MPPE1: variants seen among roughly 807,000 people sequenced by gnomAD.
The protein encoded by MPPE1 is metallo phosphoesterase.
MPPE1 carries 28 observed loss-of-function variants against 43.8 expected under a neutral mutation model. The observed-to-expected ratio is 0.64, with a 90% CI of 0.47 to 0.88. MPPE1 has a LOEUF of 0.88. Ranked by LOEUF, MPPE1 falls within the 40% of genes least tolerant of loss-of-function variation. MPPE1 has a pLI of 0.00. For synonymous variants in MPPE1, 159 were observed against 188.5 expected (o/e 0.84, Z 1.28); for missense variants, 428 against 492.2 (o/e 0.87, Z 1.23).
intron 2 of MPPE1, among the ~76,000 whole-genome samples, chr18:11,900,890 G>A (rs1015194608): frequency 3.5e-5 from 5 of 142,212 alleles, no homozygotes; most frequent in African/African-American, 1.4e-4. Context: ...CTGGGCGACA[G>A]AGCAAGACTC....
intron 2 of MPPE1, among the ~76,000 whole-genome samples, chr18:11,903,456 G>A (rs961848937): frequency 6.6e-6 from 1 of 152,184 alleles, no homozygotes; most frequent in Non-Finnish European, 1.5e-5. Context: ...CATGGAGAAG[G>A]GAGGGGTGCA....
In MPPE1 at chr18:11,883,118, T is replaced by C. The variant is rs1292800548; in HGVS notation, c.*1327A>G. 3.3e-5 allele frequency: 5 copies of C among 151,958 alleles called. No individual in the cohort carries two copies. The highest frequency in any genetic ancestry group is 7.3e-5 in the Non-Finnish European group (5 of 68,038). The allele number at this position is 151,958 out of a possible 1,614,324, so 9.4% of individuals were successfully genotyped here. On this transcript the variant is annotated 3_prime_UTR_variant, in exon 11 of 11. Transcript: ENST00000588072. ...TCTATAAATCAGCATTTTGTAATCC[T>C]TTATAAACTCATCCAGATTTAAATG...
chr18:11,892,138 G>A (rs1000992177), intron 4 of MPPE1, among the ~76,000 whole-genome samples: 3 of 152,052 alleles, frequency 2.0e-5, no homozygotes, highest in East Asian at 1.9e-4. Flanking sequence ...TCAGGAGTTC[G>A]AGACCAGCCT....
chr18:11,903,068 A>G (rs2039356295), intron 2 of MPPE1, among the ~76,000 whole-genome samples: 1 of 152,180 alleles, frequency 6.6e-6, no homozygotes, highest in African/African-American at 2.4e-5. Flanking sequence ...ACAGATAGGC[A>G]GGCATGAGCG....
chr18:11,900,229 C>T (rs1313445201), intron 2 of MPPE1, among the ~76,000 whole-genome samples: 1 of 152,176 alleles, frequency 6.6e-6, no homozygotes, highest in African/African-American at 2.4e-5. Flanking sequence ...ACCTGTAATC[C>T]TAGCTACTCA....
rs1273549507 is a variant in MPPE1, at chr18:11,886,960, G to C, written c.635C>G (p.Ala212Gly). 6.2e-7 allele frequency: 1 copy of C among 1,613,698 alleles called. No individual in the cohort carries two copies. Among genetic ancestry groups the C allele is most frequent in the Non-Finnish European group, 8.5e-7 (1 of 1,179,878 alleles). Reference protein sequence around the residue: ...DGCGICSETEAELIEVSHRLN... With the variant: ...DGCGICSETEGELIEVSHRLN... ...TCTGTGAGAAACTTCAATGAGCTCT[G>C]CTTCTGTTTCAGAGCAGATGCCACA... Residue 212 changes from alanine to glycine, a missense_variant, in exon 7 of 11, where the codon GCA becomes GGA. Coordinates refer to ENST00000588072, the MANE Select transcript of MPPE1 (RefSeq NM_023075.6). The surrounding 1 kb of genome is among the most constrained non-coding windows in gnomAD (Gnocchi z 4.1).
At chr18:11,885,021 A>G (rs1187708299) in intron 10 of MPPE1, 4 of 1,297,024 alleles carry the variant, frequency 3.1e-6, no homozygotes, top group South Asian at 2.5e-5. Context: ...CTGCCCCTTG[A>G]TGCTCAACTA....
At chr18:11,908,180 C>T (rs2039902047) in intron 1 of MPPE1, 21 bp downstream of exon 1, 1 of 152,226 alleles carries the variant, frequency 6.6e-6, no homozygotes, top group African/African-American at 2.4e-5. Context: ...AATGTTGTCA[C>T]ACGGGCGCAA....
intron 2 of MPPE1, 72 bp downstream of exon 2, chr18:11,906,131 G>A (rs1235456228): frequency 1.3e-5 from 2 of 152,158 alleles, no homozygotes; most frequent in African/African-American, 4.8e-5. Context: ...GCCTAGGATG[G>A]AAAGGCAGAG....
chr18:11,888,441 C>T (rs778908189), intron 6 of MPPE1, among the ~76,000 whole-genome samples: 12 of 152,084 alleles, frequency 7.9e-5, no homozygotes, highest in Non-Finnish European at 1.5e-4. Flanking sequence ...ATAAACTGAC[C>T]GATTCATTAT....
In MPPE1 at chr18:11,890,189, G is replaced by A. The variant is rs181996906; in HGVS notation, c.391-699C>T. On this transcript the variant is annotated intron_variant, in intron 4 of 10. Coordinates refer to ENST00000588072, the MANE Select transcript of MPPE1 (RefSeq NM_023075.6). ...GATCTCCTGACCTCATGATCCGCCC[G>A]CCTCGGCCTCCCAAAGTGCTGGGAT... 8.7e-3 allele frequency among the ~76,000 whole-genome samples: 1,319 copies of A among 152,156 alleles called. 13 individuals are homozygous for A. Among genetic ancestry groups the A allele is most frequent in the African/African-American group, 0.021 (858 of 41,504 alleles).
rs960080797 is a variant in MPPE1, at chr18:11,884,495, A to G, written c.1141T>C (p.Ser381Pro). 6.2e-7 allele frequency: 1 copy of G among 1,614,046 alleles called. No homozygotes were observed. The highest frequency in any genetic ancestry group is 1.3e-5 in the African/African-American group (1 of 74,938). Residue 381 changes from serine (S) to proline (P), a missense_variant, in exon 11 of 11, where the codon TCA becomes CCA. Coordinates refer to ENST00000588072, the MANE Select transcript of MPPE1 (RefSeq NM_023075.6). ...LTLTHFGLLA[S>P]PFLSGLNLLG... ...AAGTTCAAACCAGAAAGAAAAGGTGAGGCTAGAAGCCCAAAGTGAGTGAGT... is the reference window on the plus strand; with the variant it reads ...AAGTTCAAACCAGAAAGAAAAGGTGGGGCTAGAAGCCCAAAGTGAGTGAGT...
rs116576561 is a variant in MPPE1, at chr18:11,902,095, T to C, written c.-93+4108A>G. 4.4e-3 allele frequency among the ~76,000 whole-genome samples: 670 copies of C among 152,342 alleles called. 8 individuals carry two copies. The highest frequency in any genetic ancestry group is 0.015 in the African/African-American group (644 of 41,574). ...TAATCGCAGTCACAACATACCTTTATCTTCCAACTGGGGACAGCTTTGAGT... is the reference window on the plus strand; with the variant it reads ...TAATCGCAGTCACAACATACCTTTACCTTCCAACTGGGGACAGCTTTGAGT... On this transcript the variant is annotated intron_variant, in intron 2 of 10. Coordinates refer to ENST00000588072, the MANE Select transcript of MPPE1 (RefSeq NM_023075.6).
In MPPE1 at chr18:11,882,861, A is replaced by G. The variant is rs1054128559; in HGVS notation, c.*1584T>C. 6.6e-6 allele frequency: 1 copy of G among 152,184 alleles called. No homozygotes were observed. The highest frequency in any genetic ancestry group is 1.5e-5 in the Non-Finnish European group (1 of 68,028). The allele number at this position is 152,184 out of a possible 1,614,324, so 9.4% of individuals were successfully genotyped here. On this transcript the variant is annotated 3_prime_UTR_variant, in exon 11 of 11. Transcript: ENST00000588072. ...TGCAAGACTTACAAATACAGCCTCA[A>G]ACATTATGACACACCAACAATATCT...
chr18:11,886,322 A>T lies in MPPE1; in HGVS notation c.867+177T>A. The T allele has an allele frequency of 1.2e-6, 1 of 824,560 alleles. No individual in the cohort carries two copies. The highest frequency in any genetic ancestry group is 1.9e-6 in the Non-Finnish European group (1 of 517,146). 51.1% of individuals were successfully genotyped at this position (824,560 alleles called of 1,614,324 possible). On this transcript the variant is annotated intron_variant, in intron 9 of 10. Coordinates refer to ENST00000588072, the MANE Select transcript of MPPE1 (RefSeq NM_023075.6). This position sits in a 1 kb window ranked among gnomAD's most constrained non-coding sequence, Gnocchi z 4.1. ...TTTACTGGAAAAAAAAAAAGCGATT[A>T]AATGAAAATCTGAGATACTGTGAAA...
chr18:11,884,838 GGCCCAAGTGT>G lies in MPPE1; in HGVS notation c.1009-221_1009-212del. On this transcript the variant is annotated intron_variant, in intron 10 of 10. Coordinates refer to ENST00000588072, the MANE Select transcript of MPPE1 (RefSeq NM_023075.6). ...AGGCTCCAGCAGGAGAGACAAGTAA[GGCCCAAGTGT>G]GCCTGAGTGGAAAATGTCTGGGACA... 3 of 1,387,496 alleles carry G rather than the reference GGCCCAAGTGT, an allele frequency of 2.2e-6. No individual in the cohort carries two copies. The South Asian group carries it at 4.6e-5, about 21-fold the overall frequency. The allele number at this position is 1,387,496 out of a possible 1,614,324, so 85.9% of individuals were successfully genotyped here. A position where few individuals can be genotyped will look rare whatever the true frequency, so the allele number is the denominator to read the frequency against.
At chr18:11,903,561 C>A (rs2039403041) in intron 2 of MPPE1, among the ~76,000 whole-genome samples, 1 of 152,162 alleles carries the variant, frequency 6.6e-6, no homozygotes, top group Non-Finnish European at 1.5e-5. Context: ...AATCCCAGCA[C>A]TTTGGGAGGC....
At chr18:11,899,528 G>T (rs1044708714) in intron 2 of MPPE1, among the ~76,000 whole-genome samples, 1 of 152,162 alleles carries the variant, frequency 6.6e-6, no homozygotes, top group African/African-American at 2.4e-5. Flanking sequence ...ATCTATTTTG[G>T]AGACCTCTGA....
intron 2 of MPPE1, 177 bp from the exon 3 acceptor site, chr18:11,897,533 A>T: frequency 2.5e-6 from 1 of 395,882 alleles, no homozygotes; most frequent in Non-Finnish European, 4.6e-6. Flanking sequence ...GACCTCTCTG[A>T]CTCCTTCAAG....
Sources: allele counts gnomAD v4.1 joint callset (sites outside exome capture counted in the v4.1 genomes callset), GRCh38; gene constraint gnomAD v4.1.1; non-coding constraint Gnocchi (gnomAD v3.1); transcripts MANE v1.5; gene names NCBI Gene and HGNC (gene_info 2026-07-23, HGNC 2026-07-21).